NCK2: variants seen among roughly 807,000 people sequenced by gnomAD.
The protein encoded by NCK2 is NCK adaptor protein 2, also known as cytoplasmic protein NCK2.
In NCK2, 16 loss-of-function variants were observed where a neutral mutation model predicts 33.9. The observed-to-expected ratio is 0.47, with a 90% CI of 0.32 to 0.72. The LOEUF (loss-of-function observed/expected upper bound fraction) is 0.72. Among genes scored for constraint, NCK2 ranks in the 30% least tolerant of loss-of-function variants. The pLI is 0.03. For synonymous variants in NCK2, 273 were observed against 239.9 expected (o/e 1.14, Z -1.27); for missense variants, 418 against 537.3 (o/e 0.78, Z 2.19).
At chr2:105,780,470 G>A (rs1361991538) in intron 1 of NCK2, among the ~76,000 whole-genome samples, 4 of 151,840 alleles carry the variant, frequency 2.6e-5, no homozygotes, top group African/African-American at 9.7e-5. Flanking sequence ...CCTGCTTCTC[G>A]CTCATGTCCT....
intron 2 of NCK2, among the ~76,000 whole-genome samples, chr2:105,830,834 ATCT>A (rs1676158702): frequency 6.6e-6 from 1 of 152,072 alleles, no homozygotes; most frequent in South Asian, 2.1e-4. Flanking sequence ...CCATTTGTAT[ATCT>A]TCTTTTGAGA....
At chr2:105,861,881 A>T (rs1677548491) in intron 3 of NCK2, among the ~76,000 whole-genome samples, 1 of 151,138 alleles carries the variant, frequency 6.6e-6, no homozygotes, top group African/African-American at 2.4e-5. Context: ...TTATCTTAAG[A>T]TCAGACTGGC....
chr2:105,821,413 C>T (rs1343423248), intron 2 of NCK2, among the ~76,000 whole-genome samples: 1 of 152,168 alleles, frequency 6.6e-6, no homozygotes. Flanking sequence ...TCTCAGCCTC[C>T]TTCTGCCGCA....
At position 105,846,476 on chromosome 2, in the gene NCK2, TGAA is replaced by T. The variant is rs1393870312; in HGVS notation, c.-16-8571_-16-8569del. 3.6e-4 allele frequency: 11 copies of T among 30,848 alleles called. No homozygotes were observed. In the Admixed American group the frequency reaches 5.3e-3, roughly 15 times the overall value. 1.9% of individuals were successfully genotyped at this position (30,848 alleles called of 1,614,324 possible). A position where few individuals can be genotyped will look rare whatever the true frequency, so the allele number is the denominator to read the frequency against. On this transcript the variant is annotated intron_variant, in intron 2 of 4. Coordinates refer to ENST00000233154, the MANE Select transcript of NCK2 (RefSeq NM_003581.5). ...AGATAAATTAATGGTAGATACTCAC[TGAA>T]AAAAAAAAAATAATAGGAGGGTGTA...
intron 2 of NCK2, among the ~76,000 whole-genome samples, chr2:105,824,315 T>C (rs1485570936): frequency 6.6e-6 from 1 of 152,188 alleles, no homozygotes; most frequent in Non-Finnish European, 1.5e-5. Flanking sequence ...GATCTGACAG[T>C]GAGAGCCCAG....
intron 2 of NCK2, among the ~76,000 whole-genome samples, chr2:105,832,502 A>T (rs1012331900): frequency 3.3e-5 from 5 of 152,190 alleles, no homozygotes; most frequent in African/African-American, 1.2e-4. Flanking sequence ...CAGAGTTGTT[A>T]TGAAGGAATA....
At chr2:105,799,148 C>T (rs976974470) in intron 1 of NCK2, among the ~76,000 whole-genome samples, 3 of 151,890 alleles carry the variant, frequency 2.0e-5, no homozygotes, top group African/African-American at 7.3e-5. Flanking sequence ...ATGTTTTCTC[C>T]TAGCTTTTTA....
chr2:105,879,747 C>G (rs971541817), intron 3 of NCK2, among the ~76,000 whole-genome samples: 6 of 152,228 alleles, frequency 3.9e-5, no homozygotes, highest in Non-Finnish European at 2.9e-5. Flanking sequence ...GACAATCAGC[C>G]TTTTTACCCT....
At chr2:105,891,565 TTTTG>T (rs1268130765) in intron 4 of NCK2, among the ~76,000 whole-genome samples, 2,809 of 16,372 alleles carry the variant, frequency 0.17, 293 homozygotes, top group Middle Eastern at 0.31. Flanking sequence ...TTTTTTTTTT[TTTTG>T]AGATTTTTCG....
rs544550680 is a variant in NCK2 at position 105,866,744 on chromosome 2, C to CG, written c.226+11461dup. Among the ~76,000 whole-genome samples, 319 of 152,242 alleles carry CG rather than the reference C, an allele frequency of 2.1e-3. 1 individual carries two copies. Among genetic ancestry groups the CG allele is most frequent in the African/African-American group, 6.7e-3 (279 of 41,542 alleles). On this transcript the variant is annotated intron_variant, in intron 3 of 4. Transcript: ENST00000233154. ...CCACAGAGGTACTGGTCTGTGGCCC[C>CG]GGGGGGTTGGGGACCCCTGGTCTAG... is the stretch of plus-strand genomic sequence containing the variant.
chr2:105,860,361 A>G (rs1464970667), intron 3 of NCK2, among the ~76,000 whole-genome samples: 1 of 152,162 alleles, frequency 6.6e-6, no homozygotes, highest in Non-Finnish European at 1.5e-5. Flanking sequence ...TCCTGCATCC[A>G]CAAGGGGACC....
At chr2:105,822,933 A>C (rs1318624864) in intron 2 of NCK2, among the ~76,000 whole-genome samples, 1 of 151,926 alleles carries the variant, frequency 6.6e-6, no homozygotes, top group Non-Finnish European at 1.5e-5. Context: ...TGAATGTTGG[A>C]TTCCAGATAC....
At position 105,855,296 on chromosome 2, in the gene NCK2, GT is replaced by G. The variant is rs869099146; in HGVS notation, c.226+10del. On this transcript the variant is annotated splice_region_variant and intron_variant, in intron 3 of 4. Coordinates refer to ENST00000233154, the MANE Select transcript of NCK2 (RefSeq NM_003581.5). Reference sequence around the variant, plus strand: ...AACCTGAAGGACACACTAGGTGAGTGTTTCACCCTCGAGAGAGGAAGCCTTG... The same window carrying G: ...AACCTGAAGGACACACTAGGTGAGTGTTCACCCTCGAGAGAGGAAGCCTTG... 1 of 1,580,860 alleles carries G rather than the reference GT, an allele frequency of 6.3e-7. No homozygotes were observed. The highest frequency in any genetic ancestry group is 8.6e-7 in the Non-Finnish European group (1 of 1,158,102).
chr2:105,862,725 C>T (rs771456987), intron 3 of NCK2, among the ~76,000 whole-genome samples: 14 of 152,218 alleles, frequency 9.2e-5, no homozygotes, highest in Non-Finnish European at 1.8e-4. Flanking sequence ...TGGAAATACA[C>T]ATAAAGTATT....
At chr2:105,892,930 A>G in intron 4 of NCK2, 52 bp from the exon 5 acceptor site, 1 of 1,492,188 alleles carries the variant, frequency 6.7e-7, no homozygotes, top group Non-Finnish European at 9.2e-7. Flanking sequence ...ATGGATTTAG[A>G]CACAGCTCCC....
chr2:105,869,862 T>G (rs1032598537), intron 3 of NCK2, among the ~76,000 whole-genome samples: 3 of 152,270 alleles, frequency 2.0e-5, no homozygotes, highest in Non-Finnish European at 2.9e-5. Context: ...GCATCTGTGT[T>G]CCCATTTGAC....
intron 2 of NCK2, among the ~76,000 whole-genome samples, chr2:105,843,195 A>G (rs1232333239): frequency 2.0e-5 from 3 of 152,096 alleles, no homozygotes; most frequent in African/African-American, 4.8e-5. Context: ...TGTTTCATAT[A>G]TACCTTATTT....
intron 3 of NCK2, among the ~76,000 whole-genome samples, chr2:105,866,151 T>A (rs1294535775): frequency 1.3e-5 from 2 of 152,132 alleles, no homozygotes; most frequent in African/African-American, 4.8e-5. Context: ...TGACCTCAGG[T>A]GATCCACCCA....
At chr2:105,752,721 G>A (rs748983870) in intron 1 of NCK2, among the ~76,000 whole-genome samples, 1 of 152,076 alleles carries the variant, frequency 6.6e-6, no homozygotes, top group Admixed American at 6.6e-5. Context: ...CTCTGGTTCC[G>A]TCTGGATAAT....
Sources: gnomAD v4.1 joint callset for allele counts (sites outside exome capture counted in the v4.1 genomes callset) on GRCh38, gnomAD v4.1.1 for gene constraint, MANE v1.5 for transcripts, NCBI Gene and HGNC (gene_info 2026-07-23, HGNC 2026-07-21) for gene names.